FSTL4: variants seen among roughly 807,000 people sequenced by gnomAD.
FSTL4 encodes the protein follistatin-related protein 4.
FSTL4 carries 28 observed loss-of-function variants against 78.2 expected under a neutral mutation model. That is an observed-to-expected ratio of 0.36 (90% CI 0.27 to 0.49). The LOEUF is 0.49. Ranked by LOEUF, FSTL4 falls within the 20% of genes least tolerant of loss-of-function variation. The pLI is 0.98. For missense variants in FSTL4, 922 were observed against 1,084.9 expected (o/e 0.85, Z 2.11); for synonymous variants, 422 against 440.5 (o/e 0.96, Z 0.53).
chr5:133,732,186 G>T, the FSTL4 span, among the ~76,000 whole-genome samples: 3 of 152,224 alleles, frequency 2.0e-5, no homozygotes, highest in African/African-American at 7.2e-5. Context: ...TAGGTAGTCT[G>T]TGATCACCCA....
chr5:133,277,765 T>G (rs551470891), intron 6 of FSTL4, among the ~76,000 whole-genome samples: 6 of 152,226 alleles, frequency 3.9e-5, no homozygotes, highest in African/African-American at 1.4e-4. Context: ...GGCCCTGGGC[T>G]TTCTTCCCCC....
intron 4 of FSTL4, among the ~76,000 whole-genome samples, chr5:133,366,028 T>A (rs192109562): frequency 6.6e-6 from 1 of 152,220 alleles, no homozygotes; most frequent in Non-Finnish European, 1.5e-5. Flanking sequence ...CCCAGACTCT[T>A]GTCATCCACA....
At chr5:133,706,665 C>T in the FSTL4 span, among the ~76,000 whole-genome samples, 2 of 152,160 alleles carry the variant, frequency 1.3e-5, no homozygotes, top group African/African-American at 2.4e-5. Flanking sequence ...TACAGACTTG[C>T]ATATTCATAA....
At chr5:133,259,183 G>C (rs1271909913) in intron 6 of FSTL4, among the ~76,000 whole-genome samples, 1 of 149,174 alleles carries the variant, frequency 6.7e-6, no homozygotes, top group Non-Finnish European at 1.5e-5. Flanking sequence ...GTGTGTGTGG[G>C]GGGTGGGTGC....
intron 3 of FSTL4, chr5:133,457,998 C>T (rs1324508473): frequency 6.6e-6 from 1 of 152,168 alleles, no homozygotes; most frequent in Non-Finnish European, 1.5e-5. Flanking sequence ...AAATTCATTC[C>T]CATAGCCTGG....
At chr5:133,744,629 T>G in the FSTL4 span, among the ~76,000 whole-genome samples, 2 of 152,130 alleles carry the variant, frequency 1.3e-5, no homozygotes, top group Non-Finnish European at 2.9e-5. Flanking sequence ...AAGCATAATA[T>G]TACACCACCC....
At position 133,316,448 on chromosome 5, in the gene FSTL4, A is replaced by G; in HGVS notation, c.603+11T>C. The G allele has an allele frequency of 6.2e-7, 1 of 1,608,108 alleles. No individual in the cohort carries two copies. On this transcript the variant is annotated intron_variant, in intron 5 of 15. Transcript: ENST00000265342. ...CTCCATCATGTGACTTTCACTGAAC[A>G]CGATGCCCACCTGAGCCAGTTCGGA...
chr5:133,714,823 A>T, the FSTL4 span, among the ~76,000 whole-genome samples: 1 of 152,234 alleles, frequency 6.6e-6, no homozygotes, highest in African/African-American at 2.4e-5. Flanking sequence ...GCAACAATGG[A>T]TATTCCTTGA....
intron 3 of FSTL4, among the ~76,000 whole-genome samples, chr5:133,529,621 GACA>G (rs978282377): frequency 2.0e-5 from 3 of 152,086 alleles, no homozygotes; most frequent in African/African-American, 7.2e-5. Flanking sequence ...AGGATAATTA[GACA>G]ACACTGCCTC....
intron 6 of FSTL4, among the ~76,000 whole-genome samples, chr5:133,286,692 C>T (rs1753137674): frequency 6.6e-6 from 1 of 152,170 alleles, no homozygotes. Context: ...TTAGGGAGGG[C>T]TTCCTGGAGG....
At chr5:133,803,874 G>A in the FSTL4 span, among the ~76,000 whole-genome samples, 2 of 152,082 alleles carry the variant, frequency 1.3e-5, no homozygotes, top group African/African-American at 4.8e-5. Flanking sequence ...CCAATGAGAG[G>A]CGCTCATGTG....
At chr5:133,229,161 G>GAA (rs1364200700) in intron 8 of FSTL4, among the ~76,000 whole-genome samples, 1 of 152,204 alleles carries the variant, frequency 6.6e-6, no homozygotes, top group Non-Finnish European at 1.5e-5. Flanking sequence ...TGGATAGAAA[G>GAA]ACTTAATATC....
chr5:133,204,057 T>C (rs1340306244), intron 14 of FSTL4, among the ~76,000 whole-genome samples: 1 of 152,194 alleles, frequency 6.6e-6, no homozygotes, highest in Non-Finnish European at 1.5e-5. Context: ...TCTCAGGATA[T>C]GCCCATCAGT....
intron 7 of FSTL4, chr5:133,248,151 T>C (rs1380079779): frequency 6.6e-6 from 1 of 152,350 alleles, no homozygotes; most frequent in African/African-American, 2.4e-5. Flanking sequence ...TGGGGCAGGT[T>C]TGATGGCTGG....
At chr5:133,577,114 A>G (rs979125164) in intron 2 of FSTL4, among the ~76,000 whole-genome samples, 5 of 152,170 alleles carry the variant, frequency 3.3e-5, no homozygotes, top group Admixed American at 1.3e-4. Flanking sequence ...AAGGAAAACT[A>G]TTGAGTTGTT....
At chr5:133,826,223 T>A in the FSTL4 span, among the ~76,000 whole-genome samples, 2 of 152,198 alleles carry the variant, frequency 1.3e-5, no homozygotes, top group Admixed American at 6.5e-5. Context: ...TGGCGCCACA[T>A]GGCTCCATGC....
intron 4 of FSTL4, among the ~76,000 whole-genome samples, chr5:133,386,758 C>T (rs1408941001): frequency 2.0e-5 from 3 of 152,036 alleles, no homozygotes; most frequent in African/African-American, 4.8e-5. Context: ...AAGGTGTGAC[C>T]GAGAAATATG....
chr5:133,685,240 G>T, the FSTL4 span, among the ~76,000 whole-genome samples: 1 of 152,142 alleles, frequency 6.6e-6, no homozygotes, highest in Non-Finnish European at 1.5e-5. Context: ...GATGGTCATT[G>T]GATTTCTTTT....
chr5:133,379,851 C>T (rs75042548), intron 4 of FSTL4, among the ~76,000 whole-genome samples: 3 of 151,936 alleles, frequency 2.0e-5, no homozygotes, highest in African/African-American at 4.8e-5. Context: ...CTGAGGCAGG[C>T]GGATCACAAG....
Sources: allele counts gnomAD v4.1 joint callset (sites outside exome capture counted in the v4.1 genomes callset), GRCh38; gene constraint gnomAD v4.1.1; transcripts MANE v1.5; gene names NCBI Gene and HGNC (gene_info 2026-07-23, HGNC 2026-07-21).